The following ARMH3 variants were observed in gnomAD, a reference collection of about 807,000 sequenced individuals.
ARMH3 encodes armadillo-like helical domain-containing protein 3.
ARMH3 carries 60 observed loss-of-function variants against 99.1 expected under a neutral mutation model. The observed-to-expected ratio is 0.61, with a 90% CI of 0.49 to 0.75. The LOEUF (loss-of-function observed/expected upper bound fraction) is 0.75. ARMH3 is among the 30% of genes least tolerant of loss of function. The pLI is 0.00. For synonymous variants in ARMH3, 285 were observed against 292.8 expected (o/e 0.97, Z 0.27); for missense variants, 679 against 843.1 (o/e 0.81, Z 2.41).
intron 1 of ARMH3, among the ~76,000 whole-genome samples, chr10:102,048,880 G>A (rs1365606359): frequency 6.6e-6 from 1 of 152,102 alleles, no homozygotes; most frequent in African/African-American, 2.4e-5. Context: ...AAGCCTCTCT[G>A]CAGGACCTAA....
intron 1 of ARMH3, among the ~76,000 whole-genome samples, chr10:102,052,051 G>A (rs1211929061): frequency 6.6e-6 from 1 of 152,062 alleles, no homozygotes; most frequent in Non-Finnish European, 1.5e-5. Context: ...CAATGAGCAG[G>A]AGATTCCTGT....
chr10:101,908,540 A>G (rs1474476271), intron 23 of ARMH3, among the ~76,000 whole-genome samples: 3 of 152,194 alleles, frequency 2.0e-5, no homozygotes, highest in Non-Finnish European at 1.5e-5. Flanking sequence ...CAACTGAAAT[A>G]TAGCAAATGT....
rs1260565298 is a variant in ARMH3 at position 101,849,841 on chromosome 10, C to T, written c.1912G>A (p.Asp638Asn). 1.2e-6 allele frequency: 2 copies of T among 1,614,056 alleles called. No individual in the cohort carries two copies. Among genetic ancestry groups the T allele is most frequent in the Non-Finnish European group, 1.7e-6 (2 of 1,180,036 alleles). Reference sequence around the variant, plus strand: ...TAGCGCTCATACTGGTCCAGGCCATCCTGCAGCTTCAGCGTGAGCGTGTCA... The same window carrying T: ...TAGCGCTCATACTGGTCCAGGCCATTCTGCAGCTTCAGCGTGAGCGTGTCA... ...NYDTLTLKLQDGLDQYERYSE... is the reference protein window; with the variant it reads ...NYDTLTLKLQNGLDQYERYSE... Residue 638 changes from aspartate to asparagine, a missense_variant, in exon 25 of 26, where the codon GAT (aspartate) becomes AAT (asparagine). Physicochemically the swap from Asp to Asn is conservative, Grantham distance 23. This residue lies in a region of ARMH3 where 389 missense variants were observed against 456.5 expected (regional missense o/e 0.85). Coordinates refer to ENST00000370033, the MANE Select transcript of ARMH3 (RefSeq NM_024541.3).
intron 14 of ARMH3, among the ~76,000 whole-genome samples, chr10:102,005,828 G>A (rs893154986): frequency 3.3e-5 from 5 of 152,108 alleles, no homozygotes; most frequent in African/African-American, 9.7e-5. Flanking sequence ...AATTTTCACC[G>A]TTGTTGTCTT....
Position 102,051,021 on chromosome 10 carries a change from G to C in ARMH3, c.-12+5064C>G, listed in dbSNP as rs140506904. Among the ~76,000 whole-genome samples the C allele has an allele frequency of 2.6e-5, 4 of 152,060 alleles. No individual in the cohort carries two copies. The East Asian group carries it at 7.7e-4, about 29-fold the overall frequency. ...ATATAAAAATTAGCTGGGCATGGTG[G>C]CAAGCACCTGTAATCCCAGCTATTC... is the stretch of plus-strand genomic sequence containing the variant. On this transcript the variant is annotated intron_variant, in intron 1 of 25. Coordinates refer to ENST00000370033, the MANE Select transcript of ARMH3 (RefSeq NM_024541.3).
At chr10:101,902,259 A>G (rs965762051) in intron 23 of ARMH3, among the ~76,000 whole-genome samples, 1 of 152,202 alleles carries the variant, frequency 6.6e-6, no homozygotes, top group African/African-American at 2.4e-5. Flanking sequence ...AAACTCTCAC[A>G]AGGGGAAGGC....
At chr10:102,008,119 T>C (rs949857323) in intron 13 of ARMH3, among the ~76,000 whole-genome samples, 3 of 152,214 alleles carry the variant, frequency 2.0e-5, no homozygotes, top group East Asian at 1.9e-4. Context: ...CAATCAGTTA[T>C]AGGATTTGGA....
chr10:101,909,414 C>CAAA (rs1232777837), intron 23 of ARMH3, among the ~76,000 whole-genome samples: 1 of 72,374 alleles, frequency 1.4e-5, no homozygotes, highest in Non-Finnish European at 2.8e-5. Flanking sequence ...AACCCTATCT[C>CAAA]AAAAAAAAAA....
rs116627188 is a variant in ARMH3 at position 102,040,936 on chromosome 10, A to G, written c.-11-811T>C. Among the ~76,000 whole-genome samples the G allele has an allele frequency of 9.3e-3, 1,410 of 152,046 alleles. 17 individuals carry two copies. The highest frequency in any genetic ancestry group is 0.032 in the African/African-American group (1,339 of 41,466). ...GTACTTGGCCTTTACTGCCTCATAA[A>G]TCACACTGCACTTGACTGTCTTTAG... On this transcript the variant is annotated intron_variant, in intron 1 of 25. Coordinates refer to ENST00000370033, the MANE Select transcript of ARMH3 (RefSeq NM_024541.3).
At chr10:102,054,180 G>C (rs944999168) in intron 1 of ARMH3, among the ~76,000 whole-genome samples, 1 of 152,104 alleles carries the variant, frequency 6.6e-6, no homozygotes, top group Non-Finnish European at 1.5e-5. Context: ...CACGAGGTCA[G>C]GAGTTGGAGA....
intron 24 of ARMH3, among the ~76,000 whole-genome samples, chr10:101,886,597 T>C (rs1475757242): frequency 6.6e-6 from 1 of 152,132 alleles, no homozygotes; most frequent in South Asian, 2.1e-4. Flanking sequence ...ATGAAGCCAA[T>C]GACAATTAAC....
intron 23 of ARMH3, among the ~76,000 whole-genome samples, chr10:101,920,778 G>A (rs542111394): frequency 1.3e-5 from 2 of 152,272 alleles, no homozygotes; most frequent in East Asian, 3.9e-4. Context: ...TAAACAAAAT[G>A]TGGTATATAC....
intron 24 of ARMH3, among the ~76,000 whole-genome samples, chr10:101,883,837 TA>T (rs2067474431): frequency 6.6e-6 from 1 of 151,756 alleles, no homozygotes; most frequent in African/African-American, 2.4e-5. Context: ...ACAAAAAATT[TA>T]AAAAATTAGC....
rs2066638072 is a variant in ARMH3 at position 102,011,898 on chromosome 10, T to C, written c.771-115A>G. 5 of 745,314 alleles carry C rather than the reference T, an allele frequency of 6.7e-6. No individual in the cohort carries two copies. The South Asian group carries it at 9.7e-5, about 14-fold the overall frequency. The allele number at this position is 745,314 out of a possible 1,614,324, so 46.2% of individuals were successfully genotyped here. On this transcript the variant is annotated intron_variant, in intron 10 of 25. Coordinates refer to ENST00000370033, the MANE Select transcript of ARMH3 (RefSeq NM_024541.3). ...TTAAAATTCTCTGACTCCAGAAAAC[T>C]AAAGCATTATGACAATCAAGCATCA...
In ARMH3 at chr10:102,023,676, T is replaced by C. The variant is rs1268002932; in HGVS notation, c.581A>G (p.Gln194Arg). 1.2e-6 allele frequency: 2 copies of C among 1,613,680 alleles called. No individual in the cohort carries two copies. The highest frequency in any genetic ancestry group is 2.2e-5 in the East Asian group (1 of 44,898). ...MINSIFEAIL[Q>R]ILSHPPSRRE... Reference sequence around the variant, plus strand: ...GAGAGGAGGTAACAAGGGACCTACCTGTAAAATTGCTTCAAATATGCTGTT... The same window carrying C: ...GAGAGGAGGTAACAAGGGACCTACCCGTAAAATTGCTTCAAATATGCTGTT... Residue 194 changes from glutamine (Q) to arginine (R), a missense_variant and splice_region_variant, in exon 7 of 26, where the codon CAG (glutamine) becomes CGG (arginine). Transcript: ENST00000370033.
intron 5 of ARMH3, among the ~76,000 whole-genome samples, chr10:102,027,276 CT>C (rs2067021506): frequency 8.1e-6 from 1 of 123,592 alleles, no homozygotes; most frequent in Non-Finnish European, 1.6e-5. Context: ...GAGATTCCGT[CT>C]CAAAAAAAAA....
At chr10:101,881,484 G>C (rs1211480483) in intron 24 of ARMH3, among the ~76,000 whole-genome samples, 1 of 152,054 alleles carries the variant, frequency 6.6e-6, no homozygotes, top group Non-Finnish European at 1.5e-5. Flanking sequence ...CACAACAATG[G>C]ACATATTGTT....
intron 24 of ARMH3, among the ~76,000 whole-genome samples, chr10:101,872,250 C>CGTGTGTGTGTGTGT (rs35739666): frequency 1.4e-5 from 2 of 146,372 alleles, no homozygotes; most frequent in Admixed American, 1.4e-4. Context: ...TGTGTAACAA[C>CGTGTGTGTGTGTGT]GTGTGTGTGT....
chr10:102,010,140 G>C (rs1408997169), intron 11 of ARMH3, 117 bp from the exon 12 acceptor site: 6 of 871,384 alleles, frequency 6.9e-6, no homozygotes, highest in African/African-American at 1.7e-5. Flanking sequence ...GGAGAACTTG[G>C]AACTCTAGGC....
Sources: allele counts gnomAD v4.1 joint callset (sites outside exome capture counted in the v4.1 genomes callset), GRCh38; gene constraint gnomAD v4.1.1; regional missense constraint gnomAD v4.1.1; transcripts MANE v1.5; gene names NCBI Gene and HGNC (gene_info 2026-07-23, HGNC 2026-07-21).